FAP: variants seen among roughly 807,000 people sequenced by gnomAD.
The protein encoded by FAP is fibroblast activation protein alpha.
Under a neutral mutation model 126.5 loss-of-function variants are expected in FAP, and 110 were observed. That is an observed-to-expected ratio of 0.87 (90% confidence interval 0.74 to 1.02). The LOEUF is 1.02. FAP is among the 50% of genes least tolerant of loss of function. The pLI, the probability that FAP is intolerant of heterozygous loss-of-function variation, is 0.00. For missense variants in FAP, 919 were observed against 909.2 expected, an observed-to-expected ratio of 1.01 and a Z score of -0.14; for synonymous variants, 334 against 297.3, an observed-to-expected ratio of 1.12 and a Z score of -1.27.
chr2:162,194,635 T>C (rs1688175883), intron 17 of FAP, 66 bp downstream of exon 17: 2 of 1,437,064 alleles, frequency 1.4e-6, no homozygotes, highest in Admixed American at 1.7e-5. Context: ...CTGCTTTCTC[T>C]AGCGGAGCAT....
rs377081665 is a variant in FAP at position 162,239,366 on chromosome 2, T to A, written c.91+3542A>T. Among the ~76,000 whole-genome samples, 77 of 152,226 alleles carry A rather than the reference T, an allele frequency of 5.1e-4. 1 individual carries two copies. The South Asian group carries it at 0.015, about 30-fold the overall frequency. The stretch of plus-strand genomic sequence containing the variant: ...TTTCCTTTTTTACTCTCACTCAGCC[T>A]TATTCTCCATTCCTCCACCCTTCAG... On this transcript the variant is annotated intron_variant, in intron 2 of 25. Transcript: ENST00000188790.
intron 2 of FAP, among the ~76,000 whole-genome samples, chr2:162,234,845 G>A (rs1011299000): frequency 5.9e-5 from 9 of 152,094 alleles, no homozygotes; most frequent in Non-Finnish European, 1.0e-4. Context: ...CTTGGCTTGC[G>A]GGGAGGTGTG....
At chr2:162,179,799 TA>T (rs1687625441) in intron 21 of FAP, among the ~76,000 whole-genome samples, 3 of 133,728 alleles carry the variant, frequency 2.2e-5, no homozygotes, top group African/African-American at 8.4e-5. Flanking sequence ...TCTATATATA[TA>T]TATATATATA....
At chr2:162,232,187 TA>T (rs1174399971) in intron 2 of FAP, among the ~76,000 whole-genome samples, 2 of 152,026 alleles carry the variant, frequency 1.3e-5, no homozygotes, top group Admixed American at 6.5e-5. Flanking sequence ...TTTAGATGAG[TA>T]ATAGAAAGTG....
chr2:162,188,090 A>T (rs1433403219), intron 20 of FAP, 79 bp downstream of exon 20: 1 of 1,173,812 alleles, frequency 8.5e-7, no homozygotes, highest in East Asian at 2.4e-5. Context: ...GAATTAAGTC[A>T]TGAAGAATGG....
intron 12 of FAP, among the ~76,000 whole-genome samples, chr2:162,206,996 T>G (rs1189683211): frequency 1.3e-5 from 2 of 152,198 alleles, no homozygotes; most frequent in African/African-American, 4.8e-5. Context: ...AGAAACCATA[T>G]ATCAAAAATA....
At position 162,205,022 on chromosome 2, in the gene FAP, C is replaced by A. The variant is rs375635038; in HGVS notation, c.1048-1877G>T. ...AGGTAGATGCCTCATCACTCTATGA[C>A]CCAATGAGGCCGACTCCTAGTGTAG... is the stretch of plus-strand genomic sequence containing the variant. On this transcript the variant is annotated intron_variant, in intron 12 of 25. Coordinates refer to ENST00000188790, the MANE Select transcript of FAP (RefSeq NM_004460.5). 7.9e-5 allele frequency among the ~76,000 whole-genome samples: 12 copies of A among 152,294 alleles called. 1 individual carries two copies. Among genetic ancestry groups the A allele is most frequent in the African/African-American group, 2.6e-4 (11 of 41,582 alleles).
chr2:162,233,046 G>T (rs565821486), intron 2 of FAP, among the ~76,000 whole-genome samples: 1 of 151,988 alleles, frequency 6.6e-6, no homozygotes, highest in East Asian at 1.9e-4. Flanking sequence ...CATATCCCTG[G>T]GCTGACCCAC....
intron 20 of FAP, among the ~76,000 whole-genome samples, chr2:162,187,907 A>G (rs914587631): frequency 3.3e-5 from 5 of 152,136 alleles, no homozygotes; most frequent in Non-Finnish European, 7.4e-5. Context: ...ATTAAAAGAT[A>G]TTGGAATGAA....
intron 20 of FAP, among the ~76,000 whole-genome samples, chr2:162,187,418 C>T (rs1454991068): frequency 6.6e-6 from 1 of 152,016 alleles, no homozygotes; most frequent in Non-Finnish European, 1.5e-5. Context: ...TTATTCTTAG[C>T]TTCACCTATT....
chr2:162,184,739 T>C (rs1687804723), intron 20 of FAP, among the ~76,000 whole-genome samples: 1 of 151,664 alleles, frequency 6.6e-6, no homozygotes, highest in Non-Finnish European at 1.5e-5. Context: ...ACTTCAAAAA[T>C]CAAATGAAAG....
At chr2:162,226,478 A>C (rs1293766409) in intron 3 of FAP, 45 bp downstream of exon 3, 1 of 1,054,630 alleles carries the variant, frequency 9.5e-7, no homozygotes, top group East Asian at 2.4e-5. Context: ...TAAAAACCAA[A>C]CAAAATACAT....
chr2:162,189,015 G>C, intron 19 of FAP, 88 bp downstream of exon 19: 1 of 758,242 alleles, frequency 1.3e-6, no homozygotes, highest in Non-Finnish European at 2.2e-6. Flanking sequence ...TGTTACCAAG[G>C]AGAATGGTTC....
intron 10 of FAP, 109 bp downstream of exon 10, chr2:162,215,789 A>G: frequency 1.4e-6 from 1 of 738,772 alleles, no homozygotes; most frequent in Non-Finnish European, 2.3e-6. Context: ...GTATGTCTTT[A>G]GCTTTGTGTG....
chr2:162,173,852 A>T, intron 22 of FAP, 65 bp from the exon 23 acceptor site: 1 of 1,053,268 alleles, frequency 9.5e-7, no homozygotes, highest in Non-Finnish European at 1.5e-6. Flanking sequence ...AACCAACAAG[A>T]CCTTCTAGTT....
intron 15 of FAP, 123 bp from the exon 16 acceptor site, chr2:162,199,004 C>T (rs964955850): frequency 2.3e-5 from 18 of 791,594 alleles, no homozygotes; most frequent in Non-Finnish European, 3.6e-5. Context: ...TTTCTGTTGC[C>T]AATATCATTT....
chr2:162,231,381 A>AT (rs1689896596), intron 2 of FAP, among the ~76,000 whole-genome samples: 1 of 152,172 alleles, frequency 6.6e-6, no homozygotes, highest in African/African-American at 2.4e-5. Context: ...TTACTTGATG[A>AT]TTTTGGAAGA....
intron 16 of FAP, among the ~76,000 whole-genome samples, chr2:162,196,230 T>A (rs1476961154): frequency 1.3e-5 from 2 of 152,172 alleles, no homozygotes; most frequent in East Asian, 3.8e-4. Flanking sequence ...CCTGCCTGAA[T>A]CCTAGTCTAA....
At position 162,234,406 on chromosome 2, in the gene FAP, T is replaced by C. The variant is rs191035092; in HGVS notation, c.92-7785A>G. Among the ~76,000 whole-genome samples the C allele has an allele frequency of 2.0e-5, 3 of 152,290 alleles. No individual in the cohort carries two copies. In the East Asian group the frequency reaches 5.8e-4, roughly 29 times the overall value. Reference sequence around the variant, plus strand: ...TCATTGAGAGTGTATAGAAATACTATTGATCTTTATACATGGATCTCGTAT... The same window carrying C: ...TCATTGAGAGTGTATAGAAATACTACTGATCTTTATACATGGATCTCGTAT... On this transcript the variant is annotated intron_variant, in intron 2 of 25. Coordinates refer to ENST00000188790, the MANE Select transcript of FAP (RefSeq NM_004460.5).
Sources: allele counts gnomAD v4.1 joint callset (sites outside exome capture counted in the v4.1 genomes callset), GRCh38; gene constraint gnomAD v4.1.1; transcripts MANE v1.5; gene names NCBI Gene and HGNC (gene_info 2026-07-23, HGNC 2026-07-21).